Variants in MAP7D1 observed in about 807,000 individuals in gnomAD.
MAP7D1 encodes the protein MAP7 domain containing 1.
In MAP7D1, 30 loss-of-function variants were observed where a neutral mutation model predicts 97.5. The ratio of observed to expected loss-of-function variants is 0.31; its 90% CI spans 0.23 to 0.42. MAP7D1 has a LOEUF of 0.42. Among genes scored for constraint, MAP7D1 ranks in the 10% least tolerant of loss-of-function variants. MAP7D1 has a pLI of 1.00. For synonymous variants in MAP7D1, 536 were observed against 477.1 expected (o/e 1.12, Z -1.61); for missense variants, 1,184 against 1,179.5 (o/e 1.00, Z -0.06).
intron 1 of MAP7D1, among the ~76,000 whole-genome samples, chr1:36,167,973 G>T (rs543488924): frequency 6.6e-6 from 1 of 152,290 alleles, no homozygotes; most frequent in South Asian, 2.1e-4. Flanking sequence ...TACACACCCA[G>T]GCTTTGGCTT....
At chr1:36,170,127 C>G (rs1242023486) in intron 1 of MAP7D1, among the ~76,000 whole-genome samples, 1 of 152,184 alleles carries the variant, frequency 6.6e-6, no homozygotes, top group Non-Finnish European at 1.5e-5. Flanking sequence ...GCTGGGGAAA[C>G]AAGCCCTCTC....
At position 36,180,536 on chromosome 1, in the gene MAP7D1, AG is replaced by A. The variant is rs1644702955; in HGVS notation, c.*282del. The A allele has an allele frequency of 7.7e-6, 4 of 521,180 alleles. No homozygotes were observed. Among genetic ancestry groups the A allele is most frequent in the South Asian group, 2.1e-5 (1 of 47,570 alleles). The allele number at this position is 521,180 out of a possible 1,614,324, so 32.3% of individuals were successfully genotyped here. ...GCCTCTCTGGCCTCTTCCCTTGGGG[AG>A]GGGCCACCTGTAGTATTTGCCTTGA... On this transcript the variant is annotated 3_prime_UTR_variant, in exon 17 of 17. Transcript: ENST00000474796.
In MAP7D1 at chr1:36,178,000, TCCC is replaced by T; in HGVS notation, c.1510_1512del (p.Pro504del). 6.2e-7 allele frequency: 1 copy of T among 1,612,502 alleles called. No individual in the cohort carries two copies. The highest frequency in any genetic ancestry group is 8.5e-7 in the Non-Finnish European group (1 of 1,179,158). ...ACCGTCCCCCCGAGGCACCACTGCA[TCCC>T]CCAAGGGGCGGGTTCGGAGGAAGGA... On this transcript the variant is annotated inframe_deletion, in exon 9 of 17. Coordinates refer to ENST00000474796, the MANE Select transcript of MAP7D1 (RefSeq NM_001388490.1).
intron 8 of MAP7D1, 49 bp from the exon 9 acceptor site, chr1:36,177,824 G>A (rs761486908): frequency 3.3e-6 from 5 of 1,520,100 alleles, no homozygotes; most frequent in African/African-American, 2.8e-5. Flanking sequence ...AGTTCTCAGC[G>A]TGTGGGTGTG....
Position 36,171,104 on chromosome 1 carries a change from C to T in MAP7D1, c.180C>T (p.Ser60=). 6.2e-7 allele frequency: 1 copy of T among 1,613,430 alleles called. No homozygotes were observed. Among genetic ancestry groups the T allele is most frequent in the Non-Finnish European group, 8.5e-7 (1 of 1,179,714 alleles). The part of the protein sequence containing the change: ...DTPPAMKNAT[S]SKQLPLEPES... The stretch of plus-strand genomic sequence containing the variant: ...CTCCTGCCATGAAGAATGCCACTAG[C>T]TCTAAGCAGCTCCCACTGGAACCAG... Residue 60 remains serine (S), a synonymous_variant, in exon 2 of 17, where the codon AGC becomes AGT. Transcript: ENST00000474796.
At chr1:36,174,846 C>T (rs991560378) in intron 5 of MAP7D1, 52 bp from the exon 6 acceptor site, 4 of 1,111,678 alleles carry the variant, frequency 3.6e-6, no homozygotes, top group South Asian at 1.3e-5. Context: ...TCGGTGCCCC[C>T]CACTGGCTCC....
In MAP7D1 at chr1:36,156,338, G is replaced by C. The variant is rs1644327795; in HGVS notation, c.-80G>C. 23 of 1,257,270 alleles carry C rather than the reference G, an allele frequency of 1.8e-5. No homozygotes were observed. The highest frequency in any genetic ancestry group is 2.2e-5 in the Non-Finnish European group (21 of 954,698). 77.9% of individuals were successfully genotyped at this position (1,257,270 alleles called of 1,614,324 possible). A position where few individuals can be genotyped will look rare whatever the true frequency, so the allele number is the denominator to read the frequency against. Reference sequence around the variant, plus strand: ...GGCCGGGCCGGGCCGGGCGTGATGCGCCGCGGGACCCCTGTCCTGGCCACT... The same window carrying C: ...GGCCGGGCCGGGCCGGGCGTGATGCCCCGCGGGACCCCTGTCCTGGCCACT... On this transcript the variant is annotated 5_prime_UTR_variant, in exon 1 of 17. Transcript: ENST00000474796.
intron 1 of MAP7D1, among the ~76,000 whole-genome samples, chr1:36,158,964 T>G (rs1226655937): frequency 6.6e-6 from 1 of 152,220 alleles, no homozygotes; most frequent in Middle Eastern, 3.2e-3. Flanking sequence ...CATCCTTAAA[T>G]TAGATGAAAA....
At position 36,178,793 on chromosome 1, in the gene MAP7D1, G is replaced by C; in HGVS notation, c.1995G>C (p.Glu665Asp). 2 of 1,546,652 alleles carry C rather than the reference G, an allele frequency of 1.3e-6. No homozygotes were observed. Among genetic ancestry groups the C allele is most frequent in the Non-Finnish European group, 1.7e-6 (2 of 1,145,404 alleles). The change falls in exon 11 of 17, where the codon GAG (glutamate) becomes GAC (aspartate). Residue 665 changes from glutamate to aspartate, a missense_variant. Coordinates refer to ENST00000474796, the MANE Select transcript of MAP7D1 (RefSeq NM_001388490.1). ...EQEAREKAQA[E>D]QEEQERLQKQ... ...AGGCACGAGAGAAGGCGCAGGCCGA[G>C]CAGGAGGAGCAGGAGCGGCTGCAGA...
chr1:36,161,139 C>T (rs990079661), intron 1 of MAP7D1, among the ~76,000 whole-genome samples: 6 of 152,222 alleles, frequency 3.9e-5, no homozygotes, highest in Admixed American at 2.0e-4. Context: ...TAGTCTCAGT[C>T]GGGTTCCCGG....
At chr1:36,167,053 C>A (rs1218232598) in intron 1 of MAP7D1, among the ~76,000 whole-genome samples, 1 of 152,124 alleles carries the variant, frequency 6.6e-6, no homozygotes, top group East Asian at 1.9e-4. Flanking sequence ...GAAACTAGAC[C>A]TCAAGGGAGA....
At chr1:36,178,314 G>A in intron 9 of MAP7D1, 105 bp from the exon 10 acceptor site, 2 of 1,472,424 alleles carry the variant, frequency 1.4e-6, no homozygotes, top group Non-Finnish European at 1.8e-6. Flanking sequence ...ATGGAAAGAG[G>A]AGACTCCTGC....
chr1:36,156,855 A>T (rs1644338860), intron 1 of MAP7D1, among the ~76,000 whole-genome samples: 1 of 151,764 alleles, frequency 6.6e-6, no homozygotes, highest in Non-Finnish European at 1.5e-5. Flanking sequence ...CCCGTGGCAC[A>T]TGTGACCCCA....
In MAP7D1 at chr1:36,178,569, A is replaced by G; in HGVS notation, c.1859A>G (p.Glu620Gly). 1.3e-6 allele frequency: 2 copies of G among 1,589,816 alleles called. No individual in the cohort carries two copies. Among genetic ancestry groups the G allele is most frequent in the Non-Finnish European group, 1.7e-6 (2 of 1,169,786 alleles). ...GAGCAGCGGGAGCGCGAGGAGCAGG[A>G]GCGGAGGCTGCAGGCAGAAAGGGAC... is the stretch of plus-strand genomic sequence containing the variant. ...AREQREREEQERRLQAERDKR... is the reference protein window; with the variant it reads ...AREQREREEQGRRLQAERDKR... Residue 620 changes from glutamate (E) to glycine (G), a missense_variant, in exon 10 of 17, where the codon GAG becomes GGG. Transcript: ENST00000474796.
In MAP7D1 at chr1:36,171,515, G is replaced by A. The variant is rs1378949798; in HGVS notation, c.394G>A (p.Val132Met). ...ASDSPPTKQE[V>M]KKAGERHKLA... Reference sequence around the variant, plus strand: ...CTGTTCTTGTTCCCTCTGCTCAGAGGTGAAGAAGGCAGGAGAGAGACACAA... The same window carrying A: ...CTGTTCTTGTTCCCTCTGCTCAGAGATGAAGAAGGCAGGAGAGAGACACAA... Residue 132 changes from valine to methionine, a missense_variant and splice_region_variant, in exon 3 of 17, where the codon GTG becomes ATG. Physicochemically the swap from Val to Met is conservative, Grantham distance 21. Transcript: ENST00000474796. 2 of 1,614,194 alleles carry A rather than the reference G, an allele frequency of 1.2e-6. No individual in the cohort carries two copies. The highest frequency in any genetic ancestry group is 1.7e-5 in the Admixed American group (1 of 60,024).
Position 36,179,307 on chromosome 1 carries a change from G to A in MAP7D1, c.2176G>A (p.Glu726Lys). 1 of 1,614,074 alleles carries A rather than the reference G, an allele frequency of 6.2e-7. No individual in the cohort carries two copies. Among genetic ancestry groups the A allele is most frequent in the Non-Finnish European group, 8.5e-7 (1 of 1,179,980 alleles). Residue 726 changes from glutamate (E) to lysine (K), a missense_variant, in exon 13 of 17, where the codon GAA (glutamate) becomes AAA (lysine). Glu to Lys is a moderately conservative substitution (Grantham distance 56, BLOSUM62 1). Transcript: ENST00000474796. The stretch of plus-strand genomic sequence containing the variant: ...GAGGACTCGGAAGTCAGAAGTTTCT[G>A]AAACCAAGGTCAGAATTCCCCCGAA... ...MKRTRKSEVS[E>K]TKKQDSKEAN...
rs750779179 is a variant in MAP7D1 at position 36,171,158 on chromosome 1, G to A, written c.234G>A (p.Arg78=). 1 of 1,614,020 alleles carries A rather than the reference G, an allele frequency of 6.2e-7. No individual in the cohort carries two copies. The highest frequency in any genetic ancestry group is 8.5e-7 in the Non-Finnish European group (1 of 1,179,946). The change falls in exon 2 of 17, where the codon AGG becomes AGA. Residue 78 remains arginine (R), a synonymous_variant. Transcript: ENST00000474796. ...GCCCCTCAGGGCAGGTCGGGCCTAG[G>A]CCAGCCCCCCCGCAGGAAGAGTCCC... ...PESPSGQVGP[R]PAPPQEESPS... is the part of the protein sequence containing the mutation.
intron 1 of MAP7D1, among the ~76,000 whole-genome samples, chr1:36,162,071 C>T (rs1423583542): frequency 6.6e-6 from 1 of 152,062 alleles, no homozygotes; most frequent in Non-Finnish European, 1.5e-5. Flanking sequence ...TAGGAATCTG[C>T]AGTGAGGGCC....
rs140639297 is a variant in MAP7D1 at position 36,179,925 on chromosome 1, C to T, written c.2370C>T (p.Leu790=). The change falls in exon 16 of 17, where the codon CTC becomes CTT. Residue 790 remains leucine (L), a synonymous_variant. Coordinates refer to ENST00000474796, the MANE Select transcript of MAP7D1 (RefSeq NM_001388490.1). ...CCCTGGTGAATGGCCTGCAGCCTCTCCCAGCACACCAGGAGAATGGCTTCT... is the reference window on the plus strand; with the variant it reads ...CCCTGGTGAATGGCCTGCAGCCTCTTCCAGCACACCAGGAGAATGGCTTCT... ...PASLVNGLQP[L]PAHQENGFST... 1.2e-5 allele frequency: 19 copies of T among 1,614,002 alleles called. No individual in the cohort carries two copies. Among genetic ancestry groups the T allele is most frequent in the Non-Finnish European group, 1.5e-5 (18 of 1,180,002 alleles).
Sources: gnomAD v4.1 joint callset for allele counts (sites outside exome capture counted in the v4.1 genomes callset) on GRCh38, gnomAD v4.1.1 for gene constraint, MANE v1.5 for transcripts, NCBI Gene and HGNC (gene_info 2026-07-23, HGNC 2026-07-21) for gene names.